The following TUBGCP3 variants were observed in gnomAD, a reference collection of about 807,000 sequenced individuals.
The protein encoded by TUBGCP3 is tubulin gamma complex component 3, also known as gamma-tubulin complex component 3.
TUBGCP3 carries 50 observed loss-of-function variants against 123.1 expected under a neutral mutation model. The ratio of observed to expected loss-of-function variants is 0.41; its 90% CI spans 0.32 to 0.51. TUBGCP3 has a LOEUF of 0.51. Ranked by LOEUF, TUBGCP3 falls within the 20% of genes least tolerant of loss-of-function variation. TUBGCP3 has a pLI of 0.36. For missense variants in TUBGCP3, 882 were observed against 1,127.0 expected (o/e 0.78, Z 3.11); for synonymous variants, 405 against 413.9 (o/e 0.98, Z 0.26).
chr13:112,522,303 T>G lies in TUBGCP3; in HGVS notation c.1745+17A>C. ...CAAATATATTACTTATTTATAGAAA[T>G]CAAAATAGTGCCTTACTTTAGCAAG... On this transcript the variant is annotated intron_variant, in intron 14 of 21. Transcript: ENST00000261965. 6.6e-7 allele frequency: 1 copy of G among 1,520,908 alleles called. No individual in the cohort carries two copies. Among genetic ancestry groups the G allele is most frequent in the Non-Finnish European group, 8.9e-7 (1 of 1,122,162 alleles). The allele number at this position is 1,520,908 out of a possible 1,614,324, so 94.2% of individuals were successfully genotyped here. A position where few individuals can be genotyped will look rare whatever the true frequency, so the allele number is the denominator to read the frequency against.
intron 11 of TUBGCP3, among the ~76,000 whole-genome samples, chr13:112,539,540 A>G (rs987845666): frequency 6.6e-6 from 1 of 152,250 alleles, no homozygotes; most frequent in Non-Finnish European, 1.5e-5. Context: ...AAAATTAGTG[A>G]AGCAAACAAG....
intron 1 of TUBGCP3, among the ~76,000 whole-genome samples, chr13:112,580,406 T>G (rs1037334820): frequency 6.6e-6 from 1 of 151,890 alleles, no homozygotes; most frequent in African/African-American, 2.4e-5. Context: ...GGGGCTGAGG[T>G]GGATCACTTG....
At chr13:112,497,765 T>C (rs921920151) in intron 20 of TUBGCP3, among the ~76,000 whole-genome samples, 2 of 152,208 alleles carry the variant, frequency 1.3e-5, no homozygotes, top group African/African-American at 4.8e-5. Flanking sequence ...TAGGCAACTG[T>C]AACACAATGG....
In TUBGCP3 at chr13:112,584,222, T is replaced by G. The variant is rs193080209; in HGVS notation, c.76+3683A>C. 1.3e-3 allele frequency: 199 copies of G among 152,342 alleles called. 2 individuals are homozygous for G. The highest frequency in any genetic ancestry group is 4.5e-3 in the African/African-American group (187 of 41,584). The allele number at this position is 152,342 out of a possible 1,614,324, so 9.4% of individuals were successfully genotyped here. A position where few individuals can be genotyped will look rare whatever the true frequency, so the allele number is the denominator to read the frequency against. ...TCTCAAACTCTTTGGTCTCAGGGCT[T>G]CTTTACACTATTACGATTGAGAACT... On this transcript the variant is annotated intron_variant, in intron 1 of 21. Transcript: ENST00000261965.
intron 1 of TUBGCP3, among the ~76,000 whole-genome samples, chr13:112,580,324 G>A (rs193280414): frequency 3.7e-3 from 570 of 152,050 alleles, no homozygotes; most frequent in Middle Eastern, 0.01. Flanking sequence ...AGAAAAAATA[G>A]TAAAATTTTT....
At chr13:112,537,209 G>T (rs1878138590) in intron 11 of TUBGCP3, among the ~76,000 whole-genome samples, 1 of 144,674 alleles carries the variant, frequency 6.9e-6, no homozygotes, top group Non-Finnish European at 1.5e-5. Context: ...ATGCTAAAAG[G>T]AAGTGGTAAG....
upstream of TUBGCP3, among the ~76,000 whole-genome samples, chr13:112,589,128 C>T (rs915860374): frequency 1.1e-4 from 16 of 152,256 alleles, no homozygotes; most frequent in African/African-American, 3.9e-4. Flanking sequence ...GATCACCCCT[C>T]ACTGCCTTCG....
rs570397980 is a variant in TUBGCP3, at chr13:112,487,300, GCCTGCCGT to G, written c.2566-1157_2566-1150del. 7.2e-5 allele frequency among the ~76,000 whole-genome samples: 11 copies of G among 152,268 alleles called. No individual in the cohort carries two copies. In the South Asian group the frequency reaches 2.3e-3, roughly 32 times the overall value. ...TCTTTCACAGTCAATGGCGATAACA[GCCTGCCGT>G]CGCTGGCACCGCCACAGAGAGCAGA... On this transcript the variant is annotated intron_variant, in intron 21 of 21. Coordinates refer to ENST00000261965, the MANE Select transcript of TUBGCP3 (RefSeq NM_006322.6).
At chr13:112,563,827 AT>A (rs1880726222) in intron 3 of TUBGCP3, among the ~76,000 whole-genome samples, 1 of 151,846 alleles carries the variant, frequency 6.6e-6, no homozygotes, top group African/African-American at 2.4e-5. Flanking sequence ...GTGAGCCCAG[AT>A]TGCGCCACTG....
intron 1 of TUBGCP3, among the ~76,000 whole-genome samples, chr13:112,570,890 G>A (rs1243910667): frequency 6.6e-6 from 1 of 152,170 alleles, no homozygotes; most frequent in Non-Finnish European, 1.5e-5. Context: ...CAGCACTTCA[G>A]CAGGAGTAGA....
intron 8 of TUBGCP3, among the ~76,000 whole-genome samples, chr13:112,552,827 G>A (rs1879695783): frequency 7.4e-6 from 1 of 134,758 alleles, no homozygotes; most frequent in Non-Finnish European, 1.6e-5. Flanking sequence ...CAGCCACACT[G>A]CCACAGCACA....
chr13:112,585,032 G>A (rs1882512657), intron 1 of TUBGCP3, among the ~76,000 whole-genome samples: 1 of 152,124 alleles, frequency 6.6e-6, no homozygotes, highest in South Asian at 2.1e-4. Context: ...TGCTTCTGAA[G>A]GTCCCTTGAA....
chr13:112,552,682 C>T (rs1388057271), intron 8 of TUBGCP3, among the ~76,000 whole-genome samples: 2 of 152,206 alleles, frequency 1.3e-5, no homozygotes, highest in African/African-American at 2.4e-5. Flanking sequence ...CAAACCAGAA[C>T]CCTGGGCTGC....
At chr13:112,587,305 C>G (rs1882677255) in intron 1 of TUBGCP3, 2 of 152,360 alleles carry the variant, frequency 1.3e-5, no homozygotes, top group Middle Eastern at 3.4e-3. Flanking sequence ...ATATCAAATC[C>G]AACCTTCAAC....
rs1287955072 is a variant in TUBGCP3 at position 112,588,068 on chromosome 13, C to T, written c.-88G>A. The T allele has an allele frequency of 2.7e-6, 3 of 1,125,780 alleles. No homozygotes were observed. Among genetic ancestry groups the T allele is most frequent in the Non-Finnish European group, 3.5e-6 (3 of 856,646 alleles). 69.7% of individuals were successfully genotyped at this position (1,125,780 alleles called of 1,614,324 possible). ...ACCGCGGCCCGCGCCCTTCCTGCGC[C>T]CCGCAAGCTCCCTGCTCCTGACAGG... On this transcript the variant is annotated 5_prime_UTR_variant, in exon 1 of 22. Coordinates refer to ENST00000261965, the MANE Select transcript of TUBGCP3 (RefSeq NM_006322.6).
Position 112,549,486 on chromosome 13 carries a change from TA to T in TUBGCP3, c.967-1311del, listed in dbSNP as rs907190970. ...TACCCTAAAACTTAAGGTATAATAA[TA>T]AAAAAATTAATTAATTAATTAATTA... is the stretch of plus-strand genomic sequence containing the variant. On this transcript the variant is annotated intron_variant, in intron 8 of 21. Transcript: ENST00000261965. Among the ~76,000 whole-genome samples, 8 of 148,660 alleles carry T rather than the reference TA, an allele frequency of 5.4e-5. No individual in the cohort carries two copies. In the South Asian group the frequency reaches 8.5e-4, roughly 16 times the overall value.
the TUBGCP3 span, among the ~76,000 whole-genome samples, chr13:112,596,326 T>G: frequency 6.6e-6 from 1 of 152,228 alleles, no homozygotes; most frequent in Non-Finnish European, 1.5e-5. Flanking sequence ...TCTTTTTGTT[T>G]TCCTCCATGT....
chr13:112,512,158 C>G (rs984863542), intron 17 of TUBGCP3, among the ~76,000 whole-genome samples: 2 of 152,306 alleles, frequency 1.3e-5, no homozygotes, highest in Middle Eastern at 3.4e-3. Context: ...CAGTAGCTCA[C>G]GCCCATAACC....
chr13:112,556,264 C>T (rs776019661), intron 5 of TUBGCP3, 40 bp from the exon 6 acceptor site: 17 of 1,575,730 alleles, frequency 1.1e-5, no homozygotes, highest in East Asian at 2.3e-5. Flanking sequence ...ATAGGCTATT[C>T]GCTGAAGAGA....
Sources: gnomAD v4.1 joint callset for allele counts (sites outside exome capture counted in the v4.1 genomes callset) on GRCh38, gnomAD v4.1.1 for gene constraint, MANE v1.5 for transcripts, NCBI Gene and HGNC (gene_info 2026-07-23, HGNC 2026-07-21) for gene names.